IQCM: variants seen among roughly 807,000 people sequenced by gnomAD.
The protein encoded by IQCM is IQ motif containing M.
Under a neutral mutation model 57.6 loss-of-function variants are expected in IQCM, and 45 were observed. That is an observed-to-expected ratio of 0.78 (90% confidence interval 0.62 to 1.00). IQCM has a LOEUF of 1.00. Among genes scored for constraint, IQCM ranks in the 50% least tolerant of loss-of-function variants. IQCM has a pLI of 0.00. For synonymous variants in IQCM, 148 were observed against 158.9 expected, an observed-to-expected ratio of 0.93 and a Z score of 0.51; for missense variants, 468 against 511.6, an observed-to-expected ratio of 0.91 and a Z score of 0.82.
chr4:149,481,706 T>TTG (rs1740867152), intron 12 of IQCM, among the ~76,000 whole-genome samples: 1 of 133,370 alleles, frequency 7.5e-6, no homozygotes, highest in African/African-American at 2.8e-5. Flanking sequence ...GTTTTGTTTT[T>TTG]TTTTTTTTTT....
At chr4:149,635,312 G>T (rs1047643907) in intron 7 of IQCM, among the ~76,000 whole-genome samples, 1 of 152,158 alleles carries the variant, frequency 6.6e-6, no homozygotes, top group African/African-American at 2.4e-5. Flanking sequence ...CTCAGTTAGA[G>T]CAAAGCATCA....
intron 13 of IQCM, among the ~76,000 whole-genome samples, chr4:149,372,551 A>G (rs535939108): frequency 6.6e-6 from 1 of 152,086 alleles, no homozygotes; most frequent in African/African-American, 2.4e-5. Context: ...TTTAAGAACA[A>G]GTTAAGGTCA....
chr4:149,620,771 GTCTACAT>G (rs1756262023), intron 8 of IQCM, among the ~76,000 whole-genome samples: 1 of 152,096 alleles, frequency 6.6e-6, no homozygotes, highest in South Asian at 2.1e-4. Flanking sequence ...TTTAACAGAT[GTCTACAT>G]TCTACATTCT....
intron 2 of IQCM, among the ~76,000 whole-genome samples, chr4:149,782,475 T>C (rs1165136741): frequency 2.0e-5 from 3 of 151,982 alleles, no homozygotes; most frequent in Non-Finnish European, 2.9e-5. Context: ...CCAGATGTGG[T>C]GGCACACAGC....
chr4:149,496,822 A>G (rs1160313889), intron 12 of IQCM, among the ~76,000 whole-genome samples: 3 of 152,162 alleles, frequency 2.0e-5, no homozygotes. Flanking sequence ...AATTCCTTTC[A>G]TTCAATATTC....
intron 5 of IQCM, among the ~76,000 whole-genome samples, chr4:149,696,229 G>A (rs1336100715): frequency 6.6e-6 from 1 of 152,122 alleles, no homozygotes; most frequent in Non-Finnish European, 1.5e-5. Context: ...CACACCCAAT[G>A]AACAAGTATT....
At chr4:149,796,020 C>T (rs200001443) in intron 2 of IQCM, among the ~76,000 whole-genome samples, 29 of 152,228 alleles carry the variant, frequency 1.9e-4, no homozygotes, top group East Asian at 9.7e-4. Context: ...GGCCCTGGGG[C>T]GAGACTCCTT....
chr4:149,580,963 A>G (rs928760215), intron 9 of IQCM, among the ~76,000 whole-genome samples: 2 of 151,760 alleles, frequency 1.3e-5, no homozygotes, highest in Admixed American at 6.6e-5. Context: ...CTGTTGAATA[A>G]ACTACAAAAA....
At chr4:149,481,705 T>TTTTGTTTTTTTTTTTG (rs1740861555) in intron 12 of IQCM, among the ~76,000 whole-genome samples, 1 of 133,126 alleles carries the variant, frequency 7.5e-6, no homozygotes, top group African/African-American at 2.8e-5. Flanking sequence ...AGTTTTGTTT[T>TTTTGTTTTTTTTTTTG]TTTTTTTTTT....
rs576379162 is a variant in IQCM, at chr4:149,387,977, C to T, written c.1391-35911G>A. Among the ~76,000 whole-genome samples the T allele has an allele frequency of 2.5e-4, 38 of 152,126 alleles. No homozygotes were observed. In the Middle Eastern group the frequency reaches 0.01, roughly 41 times the overall value. On this transcript the variant is annotated intron_variant, in intron 13 of 13. Coordinates refer to ENST00000636793, the MANE Select transcript of IQCM (RefSeq NM_001363507.2). ...GATTCTCTTCTTTCACTTAGCTCAA[C>T]ATTTTCAAGGTTTATTTACTTCAAA...
intron 13 of IQCM, among the ~76,000 whole-genome samples, chr4:149,390,425 T>G (rs1182153936): frequency 6.6e-6 from 1 of 151,920 alleles, no homozygotes; most frequent in Non-Finnish European, 1.5e-5. Flanking sequence ...ATGCTTTTTT[T>G]TTTTCTAATT....
intron 7 of IQCM, among the ~76,000 whole-genome samples, chr4:149,639,418 C>T (rs1757994973): frequency 7.0e-6 from 1 of 142,498 alleles, no homozygotes; most frequent in African/African-American, 2.6e-5. Context: ...AGAGTGAGAT[C>T]CTGTCTTAAA....
At chr4:149,610,348 G>A (rs1367132350) in intron 8 of IQCM, among the ~76,000 whole-genome samples, 1 of 151,698 alleles carries the variant, frequency 6.6e-6, no homozygotes, top group Non-Finnish European at 1.5e-5. Flanking sequence ...AATACCAATG[G>A]CATTCTTCAC....
intron 2 of IQCM, among the ~76,000 whole-genome samples, chr4:149,766,205 A>C (rs1770040285): frequency 6.6e-6 from 1 of 152,116 alleles, no homozygotes; most frequent in Non-Finnish European, 1.5e-5. Context: ...TCTACAGACA[A>C]AATGGACTCC....
intron 9 of IQCM, among the ~76,000 whole-genome samples, chr4:149,583,541 A>C (rs1466133096): frequency 6.6e-6 from 1 of 151,534 alleles, no homozygotes; most frequent in East Asian, 1.9e-4. Flanking sequence ...TTTATCACTG[A>C]GGTCATAGTA....
chr4:149,768,168 T>G (rs889242148), intron 2 of IQCM, among the ~76,000 whole-genome samples: 12 of 152,138 alleles, frequency 7.9e-5, no homozygotes, highest in Non-Finnish European at 1.3e-4. Flanking sequence ...AATTAAATAT[T>G]TTATAAAAAC....
intron 5 of IQCM, among the ~76,000 whole-genome samples, chr4:149,705,915 T>A (rs1177276884): frequency 1.3e-5 from 2 of 148,492 alleles, no homozygotes. Context: ...AAGACACAAA[T>A]AAAAAAAAAA....
At chr4:149,603,562 A>G (rs916594218) in intron 8 of IQCM, among the ~76,000 whole-genome samples, 9 of 152,144 alleles carry the variant, frequency 5.9e-5, no homozygotes, top group African/African-American at 2.2e-4. Context: ...GATAGACTCA[A>G]TCCTTCCATC....
At chr4:149,570,751 C>T (rs1157064755) in intron 9 of IQCM, among the ~76,000 whole-genome samples, 2 of 151,948 alleles carry the variant, frequency 1.3e-5, no homozygotes. Flanking sequence ...TAATCCATTC[C>T]TTATTCCACA....
Sources: gnomAD v4.1 joint callset for allele counts (sites outside exome capture counted in the v4.1 genomes callset) on GRCh38, gnomAD v4.1.1 for gene constraint, MANE v1.5 for transcripts, NCBI Gene and HGNC (gene_info 2026-07-23, HGNC 2026-07-21) for gene names.